The following ZSWIM5 variants were observed in gnomAD, a reference collection of about 807,000 sequenced individuals.
ZSWIM5 encodes zinc finger SWIM-type containing 5, also known as zinc finger SWIM domain-containing protein 5.
A neutral mutation model predicts 119.6 loss-of-function variants in ZSWIM5; 55 were observed. The ratio of observed to expected loss-of-function variants is 0.46; its 90% CI spans 0.37 to 0.58. ZSWIM5 has a LOEUF of 0.58. Ranked by LOEUF, ZSWIM5 falls within the 20% of genes least tolerant of loss-of-function variation. The probability of loss-of-function intolerance (pLI) is 0.00; values close to 1 mark genes in which losing one functional copy is unlikely to be tolerated. For missense variants in ZSWIM5, 1,193 were observed against 1,512.8 expected, an observed-to-expected ratio of 0.79 and a Z score of 3.51; for synonymous variants, 537 against 606.9, an observed-to-expected ratio of 0.88 and a Z score of 1.69.
intron 5 of ZSWIM5, among the ~76,000 whole-genome samples, chr1:45,043,639 A>C (rs1344210538): frequency 1.3e-5 from 2 of 152,140 alleles, no homozygotes; most frequent in African/African-American, 4.8e-5. Flanking sequence ...TTATAGGAAT[A>C]ACCTTCCCAC....
chr1:45,100,947 A>C (rs1044792525), intron 1 of ZSWIM5, among the ~76,000 whole-genome samples: 2 of 152,124 alleles, frequency 1.3e-5, no homozygotes, highest in African/African-American at 2.4e-5. Context: ...CATAAAAACC[A>C]CAGAAGAAAA....
intron 1 of ZSWIM5, among the ~76,000 whole-genome samples, chr1:45,153,650 C>T (rs1051692436): frequency 1.3e-5 from 2 of 152,108 alleles, no homozygotes; most frequent in Non-Finnish European, 2.9e-5. Context: ...ATAGCAAAGA[C>T]ATGGGATCAA....
rs937074632 is a variant in ZSWIM5 at position 45,190,414 on chromosome 1, G to A, written c.595+15342C>T. 3.9e-5 allele frequency among the ~76,000 whole-genome samples: 6 copies of A among 152,190 alleles called. No individual in the cohort carries two copies. The South Asian group carries it at 6.2e-4, about 16-fold the overall frequency. On this transcript the variant is annotated intron_variant, in intron 1 of 13. Transcript: ENST00000359600. ...AATCCATAATGGAGATTAGAGGAGCGGGACAAGATCAGCTGTGTTCTGGGG... is the reference window on the plus strand; with the variant it reads ...AATCCATAATGGAGATTAGAGGAGCAGGACAAGATCAGCTGTGTTCTGGGG...
intron 1 of ZSWIM5, among the ~76,000 whole-genome samples, chr1:45,191,829 T>C (rs1304033845): frequency 6.6e-6 from 1 of 152,254 alleles, no homozygotes; most frequent in East Asian, 1.9e-4. Context: ...TTGGAATATT[T>C]GCTTTTCTAA....
intron 5 of ZSWIM5, among the ~76,000 whole-genome samples, chr1:45,044,370 T>G (rs1323038379): frequency 6.6e-6 from 1 of 151,802 alleles, no homozygotes; most frequent in East Asian, 1.9e-4. Flanking sequence ...GGCGGATTGT[T>G]TGAGTCCAGG....
At chr1:45,069,489 G>T (rs1039973895) in intron 2 of ZSWIM5, among the ~76,000 whole-genome samples, 4 of 151,334 alleles carry the variant, frequency 2.6e-5, no homozygotes, top group Non-Finnish European at 5.9e-5. Context: ...TTTCATTGGT[G>T]AATTCCTTAC....
intron 4 of ZSWIM5, among the ~76,000 whole-genome samples, chr1:45,051,984 A>C (rs796828879): frequency 3.4e-4 from 50 of 145,436 alleles, no homozygotes; most frequent in African/African-American, 1.3e-3. Flanking sequence ...ATGCCTTAAA[A>C]CCATTACTTT....
intron 1 of ZSWIM5, among the ~76,000 whole-genome samples, chr1:45,135,207 G>A (rs72684470): frequency 0.052 from 7,821 of 151,496 alleles, 320 homozygotes; most frequent in Non-Finnish European, 0.08. Flanking sequence ...GTGCATGTGG[G>A]TTCCAATTTT....
intron 2 of ZSWIM5, among the ~76,000 whole-genome samples, chr1:45,069,499 CCT>C (rs746921445): frequency 4.0e-5 from 6 of 151,762 alleles, no homozygotes; most frequent in Non-Finnish European, 8.8e-5. Flanking sequence ...GAATTCCTTA[CCT>C]CTGTTTTCTA....
At chr1:45,037,232 T>A (rs1311133328) in intron 8 of ZSWIM5, among the ~76,000 whole-genome samples, 1 of 149,712 alleles carries the variant, frequency 6.7e-6, no homozygotes, top group Non-Finnish European at 1.5e-5. Context: ...TGCCTCAGCC[T>A]CCTGAGTAGC....
Position 45,036,313 on chromosome 1 carries a change from G to C in ZSWIM5, c.1895-14C>G. ...TTTCATTCATATCTGAGGGCAACAG[G>C]GCACCAAATTCTTTAGGTTAGGCTT... On this transcript the variant is annotated splice_polypyrimidine_tract_variant and intron_variant, in intron 8 of 13. Transcript: ENST00000359600. 6.2e-7 allele frequency: 1 copy of C among 1,604,648 alleles called. No homozygotes were observed. Among genetic ancestry groups the C allele is most frequent in the Non-Finnish European group, 8.5e-7 (1 of 1,175,460 alleles).
chr1:45,087,618 T>TCTGCATCGACAA (rs1241211231), intron 2 of ZSWIM5, among the ~76,000 whole-genome samples: 2 of 152,362 alleles, frequency 1.3e-5, no homozygotes, highest in East Asian at 3.9e-4. Context: ...GTCCATAAAC[T>TCTGCATCGACAA]AGACCAATAT....
intron 1 of ZSWIM5, among the ~76,000 whole-genome samples, chr1:45,141,704 A>G (rs1645728389): frequency 6.6e-6 from 1 of 152,206 alleles, no homozygotes; most frequent in Admixed American, 6.5e-5. Flanking sequence ...AAAATATATT[A>G]CCATGTAAAC....
At position 45,206,336 on chromosome 1, in the gene ZSWIM5, A is replaced by G. The variant is rs769064134; in HGVS notation, c.15T>C (p.Gly5=). 15 of 1,480,762 alleles carry G rather than the reference A, an allele frequency of 1.0e-5. No individual in the cohort carries two copies. In the East Asian group the frequency reaches 3.6e-4, roughly 36 times the overall value. The allele number at this position is 1,480,762 out of a possible 1,614,324, so 91.7% of individuals were successfully genotyped here. Residue 5 remains glycine (G), a synonymous_variant, in exon 1 of 14, where the codon GGT becomes GGC. Transcript: ENST00000359600. ...ACGGCGAGAGCAGCTCCTCTCGCTC[A>G]CCTCCGTCCGCCATTGCTGGGGACT... MADG[G]EREELLSPSP...
intron 2 of ZSWIM5, among the ~76,000 whole-genome samples, chr1:45,064,226 A>G (rs6702757): frequency 0.018 from 2,816 of 152,274 alleles, 91 homozygotes; most frequent in African/African-American, 0.065. Context: ...TTACTAATTA[A>G]CATTCTACAT....
chr1:45,180,345 A>G (rs558732775), intron 1 of ZSWIM5, among the ~76,000 whole-genome samples: 1 of 152,280 alleles, frequency 6.6e-6, no homozygotes, highest in African/African-American at 2.4e-5. Context: ...CAGCAGTCTG[A>G]GATCAAACTG....
chr1:45,104,496 C>T (rs1277370641), intron 1 of ZSWIM5, among the ~76,000 whole-genome samples: 1 of 152,184 alleles, frequency 6.6e-6, no homozygotes, highest in Non-Finnish European at 1.5e-5. Context: ...GAACACATTT[C>T]CCAAAGATAT....
chr1:45,102,001 GCA>G (rs976956172), intron 1 of ZSWIM5, among the ~76,000 whole-genome samples: 9 of 150,604 alleles, frequency 6.0e-5, no homozygotes, highest in Admixed American at 1.3e-4. Flanking sequence ...TAACAAACCT[GCA>G]CATTGTGCAC....
At chr1:45,124,037 A>C (rs1207108066) in intron 1 of ZSWIM5, among the ~76,000 whole-genome samples, 2 of 152,136 alleles carry the variant, frequency 1.3e-5, no homozygotes, top group Admixed American at 6.5e-5. Context: ...CAAAAACAAA[A>C]ACCCTTCAGA....
Sources: allele counts gnomAD v4.1 joint callset (sites outside exome capture counted in the v4.1 genomes callset), GRCh38; gene constraint gnomAD v4.1.1; transcripts MANE v1.5; gene names NCBI Gene and HGNC (gene_info 2026-07-23, HGNC 2026-07-21).